KIF24: variants seen among roughly 807,000 people sequenced by gnomAD.
The protein encoded by KIF24 is kinesin-like protein KIF24.
A neutral mutation model predicts 118.9 loss-of-function variants in KIF24; 81 were observed. The observed-to-expected ratio is 0.68, with a 90% confidence interval of 0.57 to 0.82. The LOEUF (loss-of-function observed/expected upper bound fraction) is 0.82, where lower values mean the gene tolerates loss of function less well. Ranked by LOEUF, KIF24 falls within the 40% of genes least tolerant of loss-of-function variation. The pLI, the probability that KIF24 is intolerant of heterozygous loss-of-function variation, is 0.00. For synonymous variants in KIF24, 599 were observed against 610.0 expected (o/e 0.98, Z 0.27); for missense variants, 1,560 against 1,661.6 (o/e 0.94, Z 1.06).
chr9:34,277,302 G>C (rs1267341215), intron 6 of KIF24, among the ~76,000 whole-genome samples: 1 of 152,016 alleles, frequency 6.6e-6, no homozygotes, highest in African/African-American at 2.4e-5. Flanking sequence ...TGACTAATAA[G>C]GAACACAGAG....
At chr9:34,295,620 G>A (rs909445690) in intron 4 of KIF24, among the ~76,000 whole-genome samples, 2 of 152,158 alleles carry the variant, frequency 1.3e-5, no homozygotes, top group African/African-American at 4.8e-5. Flanking sequence ...AGAAGTTGCA[G>A]TGAGCCAAGA....
intron 5 of KIF24, among the ~76,000 whole-genome samples, chr9:34,287,197 T>C (rs1468448181): frequency 6.6e-6 from 1 of 152,204 alleles, no homozygotes; most frequent in Admixed American, 6.5e-5. Flanking sequence ...GAAGACAGAA[T>C]GAAGAGATGC....
At chr9:34,296,962 G>A in intron 4 of KIF24, 55 bp downstream of exon 4, 1 of 814,570 alleles carries the variant, frequency 1.2e-6, no homozygotes. Context: ...AAGAAATATG[G>A]CCTAATGGAA....
chr9:34,281,179 C>A (rs1835838418), intron 6 of KIF24, among the ~76,000 whole-genome samples: 1 of 152,122 alleles, frequency 6.6e-6, no homozygotes, highest in Non-Finnish European at 1.5e-5. Context: ...GCGCCCACCA[C>A]CATACCCGGC....
chr9:34,266,748 C>A (rs975862639), intron 8 of KIF24, among the ~76,000 whole-genome samples: 1 of 150,766 alleles, frequency 6.6e-6, no homozygotes, highest in East Asian at 1.9e-4. Flanking sequence ...ATGGCTGATT[C>A]GAGGTCTGGA....
rs530825496 is a variant in KIF24 at position 34,295,714 on chromosome 9, T to G, written c.911+1303A>C. 9.2e-5 allele frequency among the ~76,000 whole-genome samples: 14 copies of G among 151,760 alleles called. No homozygotes were observed. In the South Asian group the frequency reaches 2.9e-3, roughly 32 times the overall value. On this transcript the variant is annotated intron_variant, in intron 4 of 12. Transcript: ENST00000402558. ...ATAAAATAAAATAAATATTTTTTGG[T>G]GTGTGTGGAGATAGGGTCTCCTTAT...
chr9:34,306,157 T>C (rs1195640635), intron 3 of KIF24, 95 bp downstream of exon 3: 1 of 778,136 alleles, frequency 1.3e-6, no homozygotes, highest in Non-Finnish European at 2.1e-6. Flanking sequence ...TTCAGTGTTC[T>C]AACAGAAACT....
chr9:34,318,811 A>G lies in KIF24; in HGVS notation c.-25-7440T>C. 2 of 1,569,480 alleles carry G rather than the reference A, an allele frequency of 1.3e-6. No individual in the cohort carries two copies. The highest frequency in any genetic ancestry group is 1.8e-6 in the Non-Finnish European group (2 of 1,141,454). Reference sequence around the variant, plus strand: ...GGAAGCTGTGCAGTCGCCTGTAGGGACCCAGCTCAGTGAGTTTCGCTGATG... The same window carrying G: ...GGAAGCTGTGCAGTCGCCTGTAGGGGCCCAGCTCAGTGAGTTTCGCTGATG... On this transcript the variant is annotated intron_variant, in intron 1 of 12. Coordinates refer to ENST00000402558, the MANE Select transcript of KIF24 (RefSeq NM_194313.4). This position sits in a 1 kb window ranked among gnomAD's most constrained non-coding sequence, Gnocchi z 4.9.
Position 34,311,134 on chromosome 9 carries a change from G to C in KIF24, c.213C>G (p.Val71=). ...TCTGAAGATGACGCTCTGGGATACT[G>C]ACTGCTTTATCTTCTTCTTGCATAA... The part of the protein sequence containing the change: ...IKIMQEEDKA[V]SIPERHLQTS... The change falls in exon 2 of 13, where the codon GTC becomes GTG. Residue 71 remains valine, a synonymous_variant. Coordinates refer to ENST00000402558, the MANE Select transcript of KIF24 (RefSeq NM_194313.4). 5.0e-6 allele frequency: 8 copies of C among 1,613,550 alleles called. No homozygotes were observed. The highest frequency in any genetic ancestry group is 4.2e-6 in the Non-Finnish European group (5 of 1,179,564).
At chr9:34,305,210 T>TAGA (rs1836865795) in intron 3 of KIF24, among the ~76,000 whole-genome samples, 1 of 152,226 alleles carries the variant, frequency 6.6e-6, no homozygotes, top group African/African-American at 2.4e-5. Context: ...GGACTCTTCA[T>TAGA]AATCACTCTA....
At position 34,272,443 on chromosome 9, in the gene KIF24, T is replaced by C. The variant is rs574338864; in HGVS notation, c.1216-513A>G. On this transcript the variant is annotated intron_variant, in intron 6 of 12. Coordinates refer to ENST00000402558, the MANE Select transcript of KIF24 (RefSeq NM_194313.4). ...AGCCCATGATTTCCCTTGAGACTAA[T>C]CCTCACTCACCCTAGACTGGGAGTA... 4.6e-5 allele frequency among the ~76,000 whole-genome samples: 7 copies of C among 152,304 alleles called. No individual in the cohort carries two copies. In the East Asian group the frequency reaches 1.2e-3, roughly 25 times the overall value.
At chr9:34,270,515 CAAAA>C (rs1157919379) in intron 7 of KIF24, among the ~76,000 whole-genome samples, 1 of 56,022 alleles carries the variant, frequency 1.8e-5, no homozygotes, top group Admixed American at 2.0e-4. Flanking sequence ...GACTCCGTCT[CAAAA>C]AAAAAAAAAA....
intron 6 of KIF24, among the ~76,000 whole-genome samples, chr9:34,285,028 A>G (rs571812660): frequency 6.6e-6 from 1 of 152,328 alleles, no homozygotes; most frequent in South Asian, 2.1e-4. Context: ...ACAGGAAAAA[A>G]AAATTAAATA....
At chr9:34,331,827 C>T (rs1837946895), upstream of KIF24, among the ~76,000 whole-genome samples, 1 of 152,164 alleles carries the variant, frequency 6.6e-6, no homozygotes, top group Non-Finnish European at 1.5e-5. Flanking sequence ...CAAACAAATG[C>T]TTCACTTGCA....
intron 8 of KIF24, among the ~76,000 whole-genome samples, chr9:34,266,637 C>T (rs1431327608): frequency 6.8e-6 from 1 of 147,974 alleles, no homozygotes; most frequent in African/African-American, 2.5e-5. Flanking sequence ...AAGATTGTGC[C>T]ACTGTACTCC....
rs150334173 is a variant in KIF24 at position 34,283,421 on chromosome 9, T to A, written c.1215+3196A>T. The stretch of plus-strand genomic sequence containing the variant: ...TGAATATTATGGTATGTAAATTATA[T>A]CTCAATAAGAAAATTATATTAAGAA... On this transcript the variant is annotated intron_variant, in intron 6 of 12. Transcript: ENST00000402558. Among the ~76,000 whole-genome samples, 357 of 152,104 alleles carry A rather than the reference T, an allele frequency of 2.3e-3. 7 individuals carry two copies. Among genetic ancestry groups the A allele is most frequent in the East Asian group, 0.014 (71 of 5,182 alleles).
chr9:34,260,882 GA>G (rs1387392801), intron 9 of KIF24, among the ~76,000 whole-genome samples: 1 of 152,156 alleles, frequency 6.6e-6, no homozygotes, highest in African/African-American at 2.4e-5. Context: ...TGTGGCAGGA[GA>G]ATCGCTTGAA....
intron 6 of KIF24, among the ~76,000 whole-genome samples, chr9:34,280,715 C>T (rs186210273): frequency 6.6e-6 from 1 of 152,250 alleles, no homozygotes; most frequent in African/African-American, 2.4e-5. Flanking sequence ...CACTCGGGCG[C>T]TATACTCAGG....
At chr9:34,309,153 C>T (rs1200784090) in intron 2 of KIF24, among the ~76,000 whole-genome samples, 1 of 152,072 alleles carries the variant, frequency 6.6e-6, no homozygotes, top group Non-Finnish European at 1.5e-5. Context: ...ACTAAAATAT[C>T]CATCCTATCC....
Sources: allele counts gnomAD v4.1 joint callset (sites outside exome capture counted in the v4.1 genomes callset), GRCh38; gene constraint gnomAD v4.1.1; non-coding constraint Gnocchi (gnomAD v3.1); transcripts MANE v1.5; gene names NCBI Gene and HGNC (gene_info 2026-07-23, HGNC 2026-07-21).